Variants in UPF2 observed in about 807,000 individuals in gnomAD.
UPF2 encodes UPF2 regulator of nonsense mediated mRNA decay, also known as regulator of nonsense transcripts 2.
UPF2 carries 17 observed loss-of-function variants against 141.4 expected under a neutral mutation model. The ratio of observed to expected loss-of-function variants is 0.12; its 90% CI spans 0.08 to 0.18. The LOEUF (loss-of-function observed/expected upper bound fraction) is 0.18, where lower values mean the gene tolerates loss of function less well. UPF2 is among the 10% of genes least tolerant of loss of function. The pLI is 1.00. For synonymous variants in UPF2, 540 were observed against 498.0 expected (o/e 1.08, Z -1.12); for missense variants, 1,152 against 1,515.9 (o/e 0.76, Z 3.99).
chr10:12,035,359 T>C lies in UPF2; in HGVS notation c.65A>G (p.Glu22Gly), dbSNP rs762109282. 1.2e-6 allele frequency: 2 copies of C among 1,603,134 alleles called. No homozygotes were observed. The highest frequency in any genetic ancestry group is 2.2e-5 in the East Asian group (1 of 44,818). The change falls in exon 2 of 22, where the codon GAA (glutamate) becomes GGA (glycine). Residue 22 changes from glutamate (E) to glycine (G), a missense_variant. Glu to Gly is a moderately conservative substitution (Grantham distance 98). This residue lies in a region of UPF2 where 145 missense variants were observed against 136.5 expected (regional missense o/e 1.06). Coordinates refer to ENST00000357604, the MANE Select transcript of UPF2 (RefSeq NM_015542.4). ...TGTCCGCCTTTCACTGCAGTCTTTT[T>C]CCTTGTTGTTTGGTAAAGAGTCTTT... ...EEKDSLPNNKEKDCSERRTVS... is the reference protein window; with the variant it reads ...EEKDSLPNNKGKDCSERRTVS...
In UPF2 at chr10:11,986,889, T is replaced by C. The variant is rs557251624; in HGVS notation, c.1845-7724A>G. ...CAATCAGAAAATCTCTTACAAAAAG[T>C]CCAGCAAACTCTCCTAAAAGCTAGA... On this transcript the variant is annotated intron_variant, in intron 8 of 21. Transcript: ENST00000357604. Among the ~76,000 whole-genome samples the C allele has an allele frequency of 2.6e-5, 4 of 152,282 alleles. No individual in the cohort carries two copies. In the South Asian group the frequency reaches 8.3e-4, roughly 32 times the overall value.
At chr10:11,951,195 T>C (rs1833070300) in intron 15 of UPF2, among the ~76,000 whole-genome samples, 1 of 152,128 alleles carries the variant, frequency 6.6e-6, no homozygotes, top group South Asian at 2.1e-4. Context: ...CCTGAGTAGC[T>C]GGGATTACAG....
intron 10 of UPF2, among the ~76,000 whole-genome samples, chr10:11,964,887 G>T (rs1833295918): frequency 6.6e-6 from 1 of 152,118 alleles, no homozygotes; most frequent in South Asian, 2.1e-4. Flanking sequence ...ACAGCCTGAG[G>T]ATGGGACCCA....
chr10:11,995,118 C>T (rs1042158068), intron 8 of UPF2, among the ~76,000 whole-genome samples: 4 of 151,042 alleles, frequency 2.6e-5, no homozygotes, highest in South Asian at 2.1e-4. Flanking sequence ...CCTCTATCTA[C>T]ACAAGGGAAA....
intron 9 of UPF2, 61 bp from the exon 10 acceptor site, chr10:11,967,515 C>A: frequency 9.8e-5 from 72 of 731,496 alleles, no homozygotes; most frequent in Non-Finnish European, 1.4e-4. Flanking sequence ...GTGATAAAAA[C>A]TATTATTTTA....
chr10:11,972,372 G>C (rs1833433652), intron 9 of UPF2, among the ~76,000 whole-genome samples: 1 of 152,116 alleles, frequency 6.6e-6, no homozygotes, highest in African/African-American at 2.4e-5. Context: ...CCTTGACATA[G>C]AAAACTCTCT....
In UPF2 at chr10:11,994,612, T is replaced by C. The variant is rs147331759; in HGVS notation, c.1844+3060A>G. 1.5e-3 allele frequency among the ~76,000 whole-genome samples: 234 copies of C among 152,298 alleles called. 1 individual carries two copies. The highest frequency in any genetic ancestry group is 5.2e-3 in the African/African-American group (216 of 41,570). The stretch of plus-strand genomic sequence containing the variant: ...ACTGCATATGGCCAAGATTAATTCA[T>C]CAAATATTTTAAGCTTGGACTATAT... On this transcript the variant is annotated intron_variant, in intron 8 of 21. Transcript: ENST00000357604.
At position 11,998,173 on chromosome 10, in the gene UPF2, GA is replaced by G. The variant is rs1459608773; in HGVS notation, c.1759-417del. On this transcript the variant is annotated intron_variant, in intron 7 of 21. Transcript: ENST00000357604. This position sits in a 1 kb window ranked among gnomAD's most constrained non-coding sequence, Gnocchi z 4.5. ...ATGCTGAGTACTTCATTTGAACTAA[GA>G]AAACTGGAAAGCCTGATAAGCGGCC... 6.6e-6 allele frequency among the ~76,000 whole-genome samples: 1 copy of G among 152,112 alleles called. No homozygotes were observed. Among genetic ancestry groups the G allele is most frequent in the South Asian group, 2.1e-4 (1 of 4,834 alleles).
intron 21 of UPF2, among the ~76,000 whole-genome samples, chr10:11,925,286 T>C (rs1832698293): frequency 6.6e-6 from 1 of 152,192 alleles, no homozygotes. Context: ...TTAAGACTGA[T>C]GGACAAGTTA....
At chr10:12,041,187 T>C (rs778281045) in intron 1 of UPF2, among the ~76,000 whole-genome samples, 1 of 152,236 alleles carries the variant, frequency 6.6e-6, no homozygotes, top group Non-Finnish European at 1.5e-5. Context: ...CTTCAAGCTT[T>C]AACAGCCAAA....
chr10:11,920,972 ATCTCC>A lies in UPF2; in HGVS notation c.*321_*325del. The A allele has an allele frequency of 3.4e-6, 2 of 592,152 alleles. No homozygotes were observed. The highest frequency in any genetic ancestry group is 3.8e-5 in the Admixed American group (2 of 52,690). The allele number at this position is 592,152 out of a possible 1,614,324, so 36.7% of individuals were successfully genotyped here. A position where few individuals can be genotyped will look rare whatever the true frequency, so the allele number is the denominator to read the frequency against. On this transcript the variant is annotated 3_prime_UTR_variant, in exon 22 of 22. Transcript: ENST00000357604. Reference sequence around the variant, plus strand: ...AACCCGTTTCTTCTCTGGCTCAATCATCTCCTTCACGCTCTCCTTGGTGTAACTGC... The same window carrying A: ...AACCCGTTTCTTCTCTGGCTCAATCATTCACGCTCTCCTTGGTGTAACTGC...
chr10:11,923,046 AAAC>A (rs1220881354), intron 21 of UPF2: 2 of 152,208 alleles, frequency 1.3e-5, no homozygotes, highest in African/African-American at 2.4e-5. Context: ...AAACAAAATA[AAAC>A]AACAACAAAA....
chr10:11,997,696 G>A lies in UPF2; in HGVS notation c.1820C>T (p.Ala607Val). 1 of 1,613,806 alleles carries A rather than the reference G, an allele frequency of 6.2e-7. No individual in the cohort carries two copies. The highest frequency in any genetic ancestry group is 8.5e-7 in the Non-Finnish European group (1 of 1,179,852). Reference sequence around the variant, plus strand: ...CCTTTGTCTAGGAACTATGAAGAGTGCCCGTACCAACTTCTTCCTGTTTGC... The same window carrying A: ...CCTTTGTCTAGGAACTATGAAGAGTACCCGTACCAACTTCTTCCTGTTTGC... Reference protein sequence around the residue: ...TKANRKKLVRALFIVPRQRLD... With the variant: ...TKANRKKLVRVLFIVPRQRLD... The change falls in exon 8 of 22, where the codon GCA (alanine) becomes GTA (valine). Residue 607 changes from alanine to valine, a missense_variant. By Grantham distance (64) the Ala-to-Val change is moderately conservative. This residue lies in a region of UPF2 where 739 missense variants were observed against 1,032.2 expected (regional missense o/e 0.72). Transcript: ENST00000357604.
At chr10:11,994,748 G>A (rs748517023) in intron 8 of UPF2, among the ~76,000 whole-genome samples, 7 of 151,868 alleles carry the variant, frequency 4.6e-5, no homozygotes, top group South Asian at 4.2e-4. Flanking sequence ...AGGCCGAGGC[G>A]GGTGGATCAC....
In UPF2 at chr10:11,964,796, T is replaced by C. The variant is rs185519734; in HGVS notation, c.2068-671A>G. ...TGCTACAGGTGAAGTATCCCTTATC[T>C]GAAATGCCTGGGACCAGAAATGTTT... On this transcript the variant is annotated intron_variant, in intron 10 of 21. Coordinates refer to ENST00000357604, the MANE Select transcript of UPF2 (RefSeq NM_015542.4). Among the ~76,000 whole-genome samples, 480 of 152,306 alleles carry C rather than the reference T, an allele frequency of 3.2e-3. 3 individuals carry two copies. Among genetic ancestry groups the C allele is most frequent in the Middle Eastern group, 0.014 (4 of 294 alleles).
In UPF2 at chr10:11,953,600, T is replaced by A. The variant is rs1403980987; in HGVS notation, c.2851-1351A>T. ...GTGTTTCTTTTCTCTCAGCCTAAGATGTCAGAGTGAATCGAAAGGATTCTC... is the reference window on the plus strand; with the variant it reads ...GTGTTTCTTTTCTCTCAGCCTAAGAAGTCAGAGTGAATCGAAAGGATTCTC... On this transcript the variant is annotated intron_variant, in intron 14 of 21. Coordinates refer to ENST00000357604, the MANE Select transcript of UPF2 (RefSeq NM_015542.4). The surrounding 1 kb of genome is among the most constrained non-coding windows in gnomAD (Gnocchi z 5.0). 6.6e-6 allele frequency among the ~76,000 whole-genome samples: 1 copy of A among 152,244 alleles called. No homozygotes were observed. The highest frequency in any genetic ancestry group is 1.5e-5 in the Non-Finnish European group (1 of 68,040).
chr10:11,924,878 G>C (rs887352630), intron 21 of UPF2, among the ~76,000 whole-genome samples: 6 of 152,086 alleles, frequency 3.9e-5, no homozygotes, highest in Non-Finnish European at 7.4e-5. Flanking sequence ...GGAGTGCAAT[G>C]GCGCAATCTT....
Position 11,931,502 on chromosome 10 carries a change from A to G in UPF2, c.3688+139T>C. The G allele has an allele frequency of 1.1e-6, 1 of 947,866 alleles. No individual in the cohort carries two copies. The highest frequency in any genetic ancestry group is 1.5e-6 in the Non-Finnish European group (1 of 679,732). 58.7% of individuals were successfully genotyped at this position (947,866 alleles called of 1,614,324 possible). A position where few individuals can be genotyped will look rare whatever the true frequency, so the allele number is the denominator to read the frequency against. On this transcript the variant is annotated intron_variant, in intron 20 of 21. Transcript: ENST00000357604. The surrounding 1 kb of genome is among the most constrained non-coding windows in gnomAD (Gnocchi z 5.9). ...ATTATTGTTATTTTACAAATAAGTG[A>G]AAGAAAAACAGTGGGATACAAAATG...
Position 12,016,093 on chromosome 10 carries a change from C to A in UPF2, c.1146-1909G>T, listed in dbSNP as rs1306573374. The stretch of plus-strand genomic sequence containing the variant: ...TGAATTTTAAAAATTAAAACAAAAA[C>A]CCATAGCATTTTAACATACTCATAC... On this transcript the variant is annotated intron_variant, in intron 3 of 21. Transcript: ENST00000357604. The surrounding 1 kb of genome is among the most constrained non-coding windows in gnomAD (Gnocchi z 4.1). Among the ~76,000 whole-genome samples the A allele has an allele frequency of 3.3e-5, 5 of 152,088 alleles. No homozygotes were observed. The highest frequency in any genetic ancestry group is 5.9e-5 in the Non-Finnish European group (4 of 68,008).
Sources: gnomAD v4.1 joint callset for allele counts (sites outside exome capture counted in the v4.1 genomes callset) on GRCh38, gnomAD v4.1.1 for gene constraint, gnomAD v4.1.1 regional missense constraint, Gnocchi (gnomAD v3.1) non-coding constraint, MANE v1.5 for transcripts, NCBI Gene and HGNC (gene_info 2026-07-23, HGNC 2026-07-21) for gene names.